Variants in CBR4 observed in about 807,000 individuals in gnomAD.
CBR4 encodes carbonyl reductase 4.
Under a neutral mutation model 21.0 loss-of-function variants are expected in CBR4, and 22 were observed. That is an observed-to-expected ratio of 1.05 (90% CI 0.75 to 1.50). The LOEUF (loss-of-function observed/expected upper bound fraction) is 1.50, where lower values mean the gene tolerates loss of function less well. Ranked by LOEUF, CBR4 falls within the 40% of genes most tolerant of loss-of-function variation. CBR4 has a pLI of 0.00. For synonymous variants in CBR4, 100 were observed against 104.4 expected, an observed-to-expected ratio of 0.96 and a Z score of 0.26; for missense variants, 302 against 286.3, an observed-to-expected ratio of 1.05 and a Z score of -0.40.
chr4:168,926,568 C>G, intron 2 of CBR4: 1 of 526,004 alleles, frequency 1.9e-6, no homozygotes, highest in Non-Finnish European at 3.3e-6. Flanking sequence ...AATGCTAATA[C>G]AAATATACAC....
At chr4:168,943,206 C>T (rs908271568) in intron 2 of CBR4, among the ~76,000 whole-genome samples, 2 of 152,186 alleles carry the variant, frequency 1.3e-5, no homozygotes, top group Admixed American at 1.3e-4. Flanking sequence ...GGTCAAACTA[C>T]ACAACCCAAT....
At chr4:168,993,138 C>A (rs1765004242) in intron 4 of CBR4, among the ~76,000 whole-genome samples, 1 of 151,754 alleles carries the variant, frequency 6.6e-6, no homozygotes, top group Non-Finnish European at 1.5e-5. Context: ...AACAGGCAAT[C>A]CAATCAGCTT....
At chr4:169,009,242 T>G (rs919214740) in intron 1 of CBR4, among the ~76,000 whole-genome samples, 1 of 152,198 alleles carries the variant, frequency 6.6e-6, no homozygotes, top group African/African-American at 2.4e-5. Context: ...AATGAAGAGT[T>G]ATATTCACAA....
intron 2 of CBR4, among the ~76,000 whole-genome samples, chr4:168,919,654 T>C (rs1231407462): frequency 6.6e-6 from 1 of 152,184 alleles, no homozygotes; most frequent in Non-Finnish European, 1.5e-5. Flanking sequence ...AGCAGCTTGC[T>C]TTTCCTCCAA....
intron 2 of CBR4, among the ~76,000 whole-genome samples, chr4:168,979,994 G>GC (rs991507494): frequency 6.6e-5 from 10 of 151,994 alleles, no homozygotes; most frequent in South Asian, 4.2e-4. Context: ...ACCAGGCAGG[G>GC]CCCCCCCAGC....
intron 2 of CBR4, among the ~76,000 whole-genome samples, chr4:168,969,754 T>C (rs1199564971): frequency 6.6e-6 from 1 of 152,196 alleles, no homozygotes. Flanking sequence ...TCTTCAACTT[T>C]GCAACTGAAA....
At chr4:168,946,884 C>T (rs957844618) in intron 2 of CBR4, among the ~76,000 whole-genome samples, 7 of 152,092 alleles carry the variant, frequency 4.6e-5, no homozygotes, top group African/African-American at 1.7e-4. Context: ...CATACACCAT[C>T]CCACAGTGAA....
chr4:168,901,527 A>C (rs1242351390), intron 2 of CBR4, among the ~76,000 whole-genome samples: 1 of 152,230 alleles, frequency 6.6e-6, no homozygotes, highest in East Asian at 1.9e-4. Flanking sequence ...AAGGGAAGAA[A>C]TTGTATACTT....
intron 2 of CBR4, among the ~76,000 whole-genome samples, chr4:168,897,129 C>G (rs1755384632): frequency 6.6e-6 from 1 of 152,190 alleles, no homozygotes; most frequent in African/African-American, 2.4e-5. Context: ...AGTGCCTGGC[C>G]TCTGACTTGA....
intron 2 of CBR4, among the ~76,000 whole-genome samples, chr4:169,007,108 C>T (rs1730972141): frequency 6.6e-6 from 1 of 152,086 alleles, no homozygotes. Context: ...AGGTTGCTAC[C>T]CCTTCTCAGC....
chr4:168,918,638 G>A (rs1448848425), intron 2 of CBR4, among the ~76,000 whole-genome samples: 1 of 151,950 alleles, frequency 6.6e-6, no homozygotes, highest in Non-Finnish European at 1.5e-5. Flanking sequence ...AGTTAATAAC[G>A]ATGTACTATA....
chr4:168,930,689 A>G (rs1762950277), intron 2 of CBR4, among the ~76,000 whole-genome samples: 2 of 152,152 alleles, frequency 1.3e-5, no homozygotes, highest in Non-Finnish European at 1.5e-5. Context: ...GGCAGCATGG[A>G]GACACCTTGT....
intron 2 of CBR4, among the ~76,000 whole-genome samples, chr4:168,969,569 C>A (rs907731220): frequency 6.6e-6 from 1 of 152,142 alleles, no homozygotes; most frequent in Non-Finnish European, 1.5e-5. Context: ...TCAACAGATT[C>A]AAAGCATGAG....
exon 3 of CBR4, chr4:168,894,740 T>G (rs947361342): frequency 1.2e-5 from 19 of 1,574,994 alleles, no homozygotes; most frequent in Non-Finnish European, 1.5e-5. Flanking sequence ...CCATCTTCCT[T>G]ATGGATACTG....
intron 2 of CBR4, among the ~76,000 whole-genome samples, chr4:168,940,040 T>C (rs2126676399): frequency 6.6e-6 from 1 of 152,106 alleles, no homozygotes; most frequent in Non-Finnish European, 1.5e-5. Flanking sequence ...CTTCAAACTA[T>C]ACTATAATGC....
intron 2 of CBR4, among the ~76,000 whole-genome samples, chr4:168,930,082 CT>C: frequency 6.6e-6 from 1 of 152,242 alleles, no homozygotes; most frequent in South Asian, 2.1e-4. Flanking sequence ...ATTGAAATAT[CT>C]TAAAATCCAT....
rs534384129 is a variant in CBR4, at chr4:168,988,481, T to TAAATGA, written c.*1668_*1669insTCATTT. On this transcript the variant is annotated 3_prime_UTR_variant, in exon 5 of 5. Coordinates refer to ENST00000306193, the MANE Select transcript of CBR4 (RefSeq NM_032783.5). ...AAACTCAAGACTGAATGGGCTGCCATAATGGGGAAGTACAGGTAGCCAAAG... is the reference window on the plus strand; with the variant it reads ...AAACTCAAGACTGAATGGGCTGCCATAAATGAAATGGGGAAGTACAGGTAGCCAAAG... 2.5e-4 allele frequency: 248 copies of TAAATGA among 985,340 alleles called. 2 individuals are homozygous for TAAATGA. The African/African-American group carries it at 4.2e-3, about 17-fold the overall frequency. 61.0% of individuals were successfully genotyped at this position (985,340 alleles called of 1,614,324 possible).
intron 2 of CBR4, among the ~76,000 whole-genome samples, chr4:168,966,947 C>T (rs1295278086): frequency 2.0e-5 from 3 of 151,156 alleles, no homozygotes; most frequent in Admixed American, 6.6e-5. Flanking sequence ...CCCGGGAGGC[C>T]GAGCTTGCAG....
rs1485498013 is a variant in CBR4, at chr4:168,903,872, A to G, written n.170-9107T>C. 1 of 1,613,928 alleles carries G rather than the reference A, an allele frequency of 6.2e-7. No individual in the cohort carries two copies. The highest frequency in any genetic ancestry group is 8.5e-7 in the Non-Finnish European group (1 of 1,179,940). ...ACCACAGCCTCCACCCTAGATGATG[A>G]TGGGAATTATACAATTATGGCTGCA... On this transcript the variant is annotated intron_variant and non_coding_transcript_variant, in intron 2 of 3. Transcript: ENST00000509108.
Sources: gnomAD v4.1 joint callset for allele counts (sites outside exome capture counted in the v4.1 genomes callset) on GRCh38, gnomAD v4.1.1 for gene constraint, MANE v1.5 for transcripts, NCBI Gene and HGNC (gene_info 2026-07-23, HGNC 2026-07-21) for gene names.